Variants in TENM2 observed in about 807,000 individuals in gnomAD.
TENM2 encodes teneurin-2.
In TENM2, 52 loss-of-function variants were observed where a neutral mutation model predicts 245.2. The observed-to-expected ratio is 0.21, with a 90% confidence interval of 0.17 to 0.27. The LOEUF (loss-of-function observed/expected upper bound fraction) is 0.27, where lower values mean the gene tolerates loss of function less well. Ranked by LOEUF, TENM2 falls within the 10% of genes least tolerant of loss-of-function variation. The probability of loss-of-function intolerance (pLI) is 1.00; values close to 1 mark genes in which losing one functional copy is unlikely to be tolerated. For synonymous variants in TENM2, 1,363 were observed against 1,438.9 expected (o/e 0.95, Z 1.19); for missense variants, 3,046 against 3,666.8 (o/e 0.83, Z 4.37).
the TENM2 span, among the ~76,000 whole-genome samples, chr5:167,121,573 A>G: frequency 1.3e-5 from 2 of 152,206 alleles, no homozygotes; most frequent in Non-Finnish European, 2.9e-5. Flanking sequence ...GCACAGGCCA[A>G]ATTATGTTTC....
At chr5:168,087,608 C>CAAA (rs111574327) in intron 7 of TENM2, among the ~76,000 whole-genome samples, 1 of 111,834 alleles carries the variant, frequency 8.9e-6, no homozygotes, top group South Asian at 2.9e-4. Context: ...GACTCCATCT[C>CAAA]AAAAAAAAAA....
intron 9 of TENM2, among the ~76,000 whole-genome samples, chr5:168,104,944 G>A (rs1794124935): frequency 6.6e-6 from 1 of 152,168 alleles, no homozygotes. Flanking sequence ...CTAGAGGGAG[G>A]AGCGAGGGAA....
At chr5:167,893,439 C>T (rs1157775457) in intron 3 of TENM2, among the ~76,000 whole-genome samples, 2 of 152,104 alleles carry the variant, frequency 1.3e-5, no homozygotes, top group Non-Finnish European at 2.9e-5. Flanking sequence ...ATCAAGACCC[C>T]TGCTGTGTCC....
intron 13 of TENM2, among the ~76,000 whole-genome samples, chr5:168,184,655 A>G (rs1760227203): frequency 6.6e-6 from 1 of 152,228 alleles, no homozygotes; most frequent in African/African-American, 2.4e-5. Flanking sequence ...AAGAATTCAC[A>G]CAGCCTCCTC....
At chr5:167,913,307 A>G (rs1160407035) in intron 3 of TENM2, among the ~76,000 whole-genome samples, 2 of 152,202 alleles carry the variant, frequency 1.3e-5, no homozygotes, top group African/African-American at 4.8e-5. Context: ...TGGGTTTTAT[A>G]AACTTTGATA....
At chr5:167,787,749 G>A (rs1024877023) in intron 2 of TENM2, among the ~76,000 whole-genome samples, 1 of 152,188 alleles carries the variant, frequency 6.6e-6, no homozygotes, top group Non-Finnish European at 1.5e-5. Flanking sequence ...GTTCACCTGT[G>A]CAGGTGGGAA....
chr5:167,726,995 A>C (rs919794482), intron 2 of TENM2, among the ~76,000 whole-genome samples: 1 of 152,178 alleles, frequency 6.6e-6, no homozygotes, highest in African/African-American at 2.4e-5. Flanking sequence ...AAATCCCAGC[A>C]GTGCAAATGC....
chr5:167,880,911 G>A (rs570731430), intron 3 of TENM2, among the ~76,000 whole-genome samples: 4 of 152,262 alleles, frequency 2.6e-5, no homozygotes, highest in African/African-American at 9.6e-5. Flanking sequence ...AGACTTTGAG[G>A]TTAAAGTCAC....
chr5:167,445,369 A>AGAGAGAGAGAGAGAGTGAGAGT lies in TENM2; in HGVS notation c.502+69897_502+69898insAGAGAGAGAGAGAGTGAGAGTG, dbSNP rs35699708. On this transcript the variant is annotated intron_variant, in intron 2 of 28. Transcript: ENST00000518659. Reference sequence around the variant, plus strand: ...GAGAGAGAGAGAGAGAGAGAGAGAGAGTGTCAGGTGTTGTCTTGTTGTTGG... The same window carrying AGAGAGAGAGAGAGAGTGAGAGT: ...GAGAGAGAGAGAGAGAGAGAGAGAGAGAGAGAGAGAGAGAGTGAGAGTGTGTCAGGTGTTGTCTTGTTGTTGG... Among the ~76,000 whole-genome samples the AGAGAGAGAGAGAGAGTGAGAGT allele has an allele frequency of 4.1e-5, 4 of 98,600 alleles. No individual in the cohort carries two copies. The South Asian group carries it at 1.1e-3, about 27-fold the overall frequency. The allele number at this position is 98,600 out of a possible 152,430, so 64.7% of individuals were successfully genotyped here. A position where few individuals can be genotyped will look rare whatever the true frequency, so the allele number is the denominator to read the frequency against.
intron 2 of TENM2, among the ~76,000 whole-genome samples, chr5:167,424,864 G>A (rs563206446): frequency 2.1e-4 from 32 of 152,066 alleles, no homozygotes; most frequent in Admixed American, 3.3e-4. Flanking sequence ...AACCTCATTC[G>A]CTCAGCTCTG....
At chr5:168,172,442 C>T (rs533928799) in intron 13 of TENM2, among the ~76,000 whole-genome samples, 5 of 152,256 alleles carry the variant, frequency 3.3e-5, no homozygotes, top group African/African-American at 1.2e-4. Flanking sequence ...CCCACAAGAG[C>T]CCTGGGAGTC....
intron 2 of TENM2, among the ~76,000 whole-genome samples, chr5:167,715,269 A>T (rs1412308865): frequency 6.6e-6 from 1 of 152,230 alleles, no homozygotes; most frequent in East Asian, 1.9e-4. Context: ...GTTAGGAGAA[A>T]GAGTACAGTT....
intron 2 of TENM2, among the ~76,000 whole-genome samples, chr5:167,726,921 A>G (rs981424386): frequency 2.0e-5 from 3 of 151,978 alleles, no homozygotes; most frequent in Admixed American, 6.6e-5. Flanking sequence ...TTGAATTTCT[A>G]TTGTTAGTAA....
chr5:168,019,179 A>G (rs1003850124), intron 5 of TENM2, among the ~76,000 whole-genome samples: 1 of 152,228 alleles, frequency 6.6e-6, no homozygotes. Context: ...AGCAAAAAGT[A>G]TACAAGGATC....
At chr5:167,894,813 TA>T (rs1230102472) in intron 3 of TENM2, among the ~76,000 whole-genome samples, 1 of 152,094 alleles carries the variant, frequency 6.6e-6, no homozygotes, top group Non-Finnish European at 1.5e-5. Flanking sequence ...AAACTCCAAT[TA>T]AAAAGCAAAC....
At position 167,668,699 on chromosome 5, in the gene TENM2, A is replaced by G. The variant is rs145117723; in HGVS notation, c.503-207287A>G. On this transcript the variant is annotated intron_variant, in intron 2 of 28. Coordinates refer to ENST00000518659, the Ensembl canonical transcript of TENM2. ...TGTAAGCACAGTGGCTCAAAACTGT[A>G]ATCCCAGAACTTTGGGAGGCCAAGG... Among the ~76,000 whole-genome samples the G allele has an allele frequency of 9.5e-3, 1,442 of 152,348 alleles. 10 individuals carry two copies. Among genetic ancestry groups the G allele is most frequent in the Non-Finnish European group, 0.016 (1,090 of 68,036 alleles).
the TENM2 span, among the ~76,000 whole-genome samples, chr5:167,147,564 A>T: frequency 6.6e-6 from 1 of 152,142 alleles, no homozygotes. Flanking sequence ...CACCTTTCAG[A>T]TTGACAGGGA....
intron 7 of TENM2, among the ~76,000 whole-genome samples, chr5:168,081,045 A>G (rs1054226921): frequency 1.3e-5 from 2 of 152,118 alleles, no homozygotes; most frequent in African/African-American, 4.8e-5. Flanking sequence ...AAAGTCTCCC[A>G]TTATTATTGT....
intron 2 of TENM2, among the ~76,000 whole-genome samples, chr5:167,842,207 G>A (rs935427588): frequency 6.6e-6 from 1 of 152,026 alleles, no homozygotes; most frequent in Non-Finnish European, 1.5e-5. Context: ...TAGATAGTGG[G>A]ATGATATTGT....
Sources: gnomAD v4.1 joint callset for allele counts (sites outside exome capture counted in the v4.1 genomes callset) on GRCh38, gnomAD v4.1.1 for gene constraint, MANE v1.5 for transcripts, NCBI Gene and HGNC (gene_info 2026-07-23, HGNC 2026-07-21) for gene names.